CATSPER2: variants seen among roughly 807,000 people sequenced by gnomAD.
CATSPER2 encodes cation channel sperm-associated protein 2.
CATSPER2 carries 56 observed loss-of-function variants against 68.8 expected under a neutral mutation model. The observed-to-expected ratio is 0.81, with a 90% CI of 0.66 to 1.02. CATSPER2 has a LOEUF of 1.02. CATSPER2 is among the 50% of genes least tolerant of loss of function. CATSPER2 has a pLI of 0.00. For synonymous variants in CATSPER2, 198 were observed against 229.9 expected (o/e 0.86, Z 1.26); for missense variants, 582 against 642.0 (o/e 0.91, Z 1.01).
At chr15:43,634,304 C>T (rs1365775630) in intron 10 of CATSPER2, 1 of 151,646 alleles carries the variant, frequency 6.6e-6, no homozygotes, top group Admixed American at 6.6e-5. Flanking sequence ...TCACCACAGC[C>T]TCAACCTCTC....
chr15:43,630,555 C>G lies in CATSPER2; in HGVS notation c.*146G>C, dbSNP rs544947810. ...TATTTTTAGTAGAGACAGGGTTTCA[C>G]CACGCCTGGCCTAGACACTTATACT... is the stretch of plus-strand genomic sequence containing the variant. On this transcript the variant is annotated 3_prime_UTR_variant, in exon 13 of 13. Coordinates refer to ENST00000396879, the MANE Select transcript of CATSPER2 (RefSeq NM_172095.4). 1.3e-6 allele frequency: 2 copies of G among 1,542,944 alleles called. No homozygotes were observed. The highest frequency in any genetic ancestry group is 3.7e-5 in the Admixed American group (2 of 54,250).
chr15:43,633,960 A>G (rs1040380799), intron 10 of CATSPER2: 12 of 150,986 alleles, frequency 7.9e-5, no homozygotes, highest in African/African-American at 2.9e-4. Flanking sequence ...TCTGCCTCAA[A>G]AAAAAAAAGA....
At chr15:43,648,559 A>C (rs1409938040) in intron 1 of CATSPER2, 70 bp downstream of exon 1, 1 of 1,314,062 alleles carries the variant, frequency 7.6e-7, no homozygotes, top group African/African-American at 1.5e-5. Flanking sequence ...TCCCGTCCCA[A>C]GTGTGTCCAC....
At chr15:43,638,773 C>G in intron 7 of CATSPER2, 131 bp downstream of exon 7, 1 of 1,085,390 alleles carries the variant, frequency 9.2e-7, no homozygotes, top group South Asian at 1.3e-5. Flanking sequence ...TTCTCTTTCC[C>G]TCTCCCTATT....
chr15:43,639,056 G>A (rs1355453049), intron 6 of CATSPER2, 28 bp from the exon 7 acceptor site: 1 of 1,609,772 alleles, frequency 6.2e-7, no homozygotes, highest in Non-Finnish European at 8.5e-7. Flanking sequence ...CATGTCAGAT[G>A]TGGGCCAAAC....
At chr15:43,632,090 G>T (rs1436140704) in intron 12 of CATSPER2, 109 bp downstream of exon 12, 2 of 1,265,370 alleles carry the variant, frequency 1.6e-6, no homozygotes, top group Non-Finnish European at 2.3e-6. Flanking sequence ...GTTGTAGGCA[G>T]AAATTGAGAA....
Position 43,635,781 on chromosome 15 carries a change from G to T in CATSPER2, c.1067C>A (p.Ala356Glu), listed in dbSNP as rs767092489. 6.2e-7 allele frequency: 1 copy of T among 1,613,404 alleles called. No homozygotes were observed. Among genetic ancestry groups the T allele is most frequent in the African/African-American group, 1.3e-5 (1 of 74,808 alleles). The change falls in exon 9 of 13, where the codon GCG becomes GAG. Residue 356 changes from alanine (A) to glutamate (E), a missense_variant. This residue lies in a region of CATSPER2 where 235 missense variants were observed against 264.2 expected (regional missense o/e 0.89). Coordinates refer to ENST00000396879, the MANE Select transcript of CATSPER2 (RefSeq NM_172095.4). ...AGCTTTGAGCTGAACCTCCCGACGC[G>T]CCATCTCCTCATTCAGCTCTTTCCT... ...NIRKELNEEM[A>E]RREVQLKADM...
intron 12 of CATSPER2, among the ~76,000 whole-genome samples, chr15:43,631,780 T>C (rs2085876489): frequency 6.6e-6 from 1 of 151,898 alleles, no homozygotes; most frequent in African/African-American, 2.4e-5. Flanking sequence ...TGATCCCCCA[T>C]AGCTCTCCAG....
At chr15:43,632,506 C>T in intron 11 of CATSPER2, 143 bp from the exon 12 acceptor site, 1 of 1,404,206 alleles carries the variant, frequency 7.1e-7, no homozygotes, top group Non-Finnish European at 9.9e-7. Flanking sequence ...CAGTAAGAAA[C>T]CACTTTTTAC....
intron 4 of CATSPER2, among the ~76,000 whole-genome samples, chr15:43,645,598 G>A (rs1330130305): frequency 1.3e-5 from 2 of 151,622 alleles, no homozygotes; most frequent in Non-Finnish European, 2.9e-5. Flanking sequence ...ACCAGCCTGG[G>A]CAACATAGTG....
rs1200280251 is a variant in CATSPER2 at position 43,648,692 on chromosome 15, C to G, written c.-66G>C. The G allele has an allele frequency of 6.9e-6, 10 of 1,452,906 alleles. No homozygotes were observed. In the African/African-American group the frequency reaches 1.4e-4, roughly 21 times the overall value. The allele number at this position is 1,452,906 out of a possible 1,614,324, so 90.0% of individuals were successfully genotyped here. On this transcript the variant is annotated 5_prime_UTR_variant, in exon 1 of 13. Transcript: ENST00000396879. ...CACGCTTCCGCCTCCAGCTCAGGTG[C>G]CCCGAGCCTGGCTACCCCTATGCAA...
In CATSPER2 at chr15:43,648,756, A is replaced by C; in HGVS notation, c.-130T>G. On this transcript the variant is annotated 5_prime_UTR_variant, in exon 1 of 13. It removes an upstream start codon present in the reference 5' UTR. Coordinates refer to ENST00000396879, the MANE Select transcript of CATSPER2 (RefSeq NM_172095.4). Reference sequence around the variant, plus strand: ...CCGGCTCCCAGCCTCACTGCGCCCCATTCCCCGCCCCGCTCGACCCCCAGG... The same window carrying C: ...CCGGCTCCCAGCCTCACTGCGCCCCCTTCCCCGCCCCGCTCGACCCCCAGG... The C allele has an allele frequency of 6.6e-7, 1 of 1,524,358 alleles. No individual in the cohort carries two copies. Among genetic ancestry groups the C allele is most frequent in the South Asian group, 1.2e-5 (1 of 82,886 alleles). The allele number at this position is 1,524,358 out of a possible 1,614,324, so 94.4% of individuals were successfully genotyped here.
chr15:43,647,228 G>A (rs2086184714), intron 3 of CATSPER2, 66 bp downstream of exon 3: 3 of 1,578,582 alleles, frequency 1.9e-6, no homozygotes, highest in Admixed American at 1.7e-5. Flanking sequence ...AGTATGGGGA[G>A]CAAAAAATAA....
At position 43,630,013 on chromosome 15, in the gene CATSPER2, C is replaced by T. The variant is rs2085848094; in HGVS notation, c.*688G>A. On this transcript the variant is annotated 3_prime_UTR_variant, in exon 13 of 13. Transcript: ENST00000396879. ...GACTCTAATCAGGCAGTAGAGGTTG[C>T]AGGAAGGGTGGAAGCTATAATGATA... 6.6e-6 allele frequency: 1 copy of T among 152,162 alleles called. No homozygotes were observed. The highest frequency in any genetic ancestry group is 1.9e-4 in the East Asian group (1 of 5,156). The allele number at this position is 152,162 out of a possible 1,614,324, so 9.4% of individuals were successfully genotyped here.
rs118057114 is a variant in CATSPER2, at chr15:43,635,387, G to A, written c.1151C>T (p.Thr384Met). 2.1e-3 allele frequency: 3,421 copies of A among 1,609,044 alleles called. 43 individuals are homozygous for A. Among genetic ancestry groups the A allele is most frequent in the Non-Finnish European group, 2.0e-3 (2,319 of 1,179,116 alleles). Residue 384 changes from threonine to methionine, a missense_variant, in exon 10 of 13, where the codon ACG (threonine) becomes ATG (methionine). This residue lies in a region of CATSPER2 where 235 missense variants were observed against 264.2 expected (regional missense o/e 0.89). Transcript: ENST00000396879. The stretch of plus-strand genomic sequence containing the variant: ...GTCCTCTATTTTGCTATGGCTTGAC[G>A]TCAGTGCTTCATGTGACATGTTTTT... ...RRKNMSHEAL[T>M]SSHSKIEDSS...
chr15:43,641,385 T>A lies in CATSPER2; in HGVS notation c.389-889A>T, dbSNP rs1363700657. Among the ~76,000 whole-genome samples the A allele has an allele frequency of 2.6e-5, 4 of 151,890 alleles. 1 individual carries two copies. Among genetic ancestry groups the A allele is most frequent in the Admixed American group, 2.0e-4 (3 of 15,256 alleles). On this transcript the variant is annotated intron_variant, in intron 4 of 12. Transcript: ENST00000396879. ...ACCTCAGCCTCCCAAAGTGCTGGGA[T>A]TATAGGCGTGAGCCACCACACCTGG...
chr15:43,647,212 C>T (rs1403303527), intron 3 of CATSPER2, 82 bp downstream of exon 3: 1 of 1,570,392 alleles, frequency 6.4e-7, no homozygotes, highest in East Asian at 2.2e-5. Context: ...GAAAATGAGA[C>T]AGTGGAGTAT....
In CATSPER2 at chr15:43,635,779, G is replaced by T; in HGVS notation, c.1069C>A (p.Arg357Ser). The part of the protein sequence containing the change: ...IRKELNEEMA[R>S]REVQLKADMF... ...TCAGCTTTGAGCTGAACCTCCCGAC[G>T]CGCCATCTCCTCATTCAGCTCTTTC... is the stretch of plus-strand genomic sequence containing the variant. The change falls in exon 9 of 13, where the codon CGT becomes AGT. Residue 357 changes from arginine to serine, a missense_variant. Physicochemically the swap from Arg to Ser is moderately radical, Grantham distance 110 (BLOSUM62 -1). This residue lies in a region of CATSPER2 where 235 missense variants were observed against 264.2 expected (regional missense o/e 0.89). Transcript: ENST00000396879. The T allele has an allele frequency of 6.2e-7, 1 of 1,613,544 alleles. No individual in the cohort carries two copies. Among genetic ancestry groups the T allele is most frequent in the Non-Finnish European group, 8.5e-7 (1 of 1,179,788 alleles).
chr15:43,639,613 C>T, intron 6 of CATSPER2, 30 bp downstream of exon 6: 3 of 1,611,870 alleles, frequency 1.9e-6, no homozygotes, highest in South Asian at 1.1e-5. Flanking sequence ...CTACCTTGCC[C>T]CCTGCTTTAG....
Sources: gnomAD v4.1 joint callset for allele counts (sites outside exome capture counted in the v4.1 genomes callset) on GRCh38, gnomAD v4.1.1 for gene constraint, gnomAD v4.1.1 regional missense constraint, MANE v1.5 for transcripts, NCBI Gene and HGNC (gene_info 2026-07-23, HGNC 2026-07-21) for gene names.